The following ABCA8 variants were observed in gnomAD, a reference collection of about 807,000 sequenced individuals.
ABCA8 encodes ATP binding cassette subfamily A member 8.
ABCA8 carries 177 observed loss-of-function variants against 192.3 expected under a neutral mutation model. The ratio of observed to expected loss-of-function variants is 0.92; its 90% CI spans 0.81 to 1.04. The LOEUF (loss-of-function observed/expected upper bound fraction) is 1.04, where lower values mean the gene tolerates loss of function less well. ABCA8 is among the 50% of genes least tolerant of loss of function. The probability of loss-of-function intolerance (pLI) is 0.00; values close to 1 mark genes in which losing one functional copy is unlikely to be tolerated. For missense variants in ABCA8, 1,915 were observed against 1,904.8 expected (o/e 1.01, Z -0.10); for synonymous variants, 642 against 690.2 (o/e 0.93, Z 1.09).
intron 13 of ABCA8, 127 bp from the exon 14 acceptor site, chr17:68,919,603 C>A: frequency 1.3e-6 from 1 of 798,052 alleles, no homozygotes. Flanking sequence ...GAAACTTCTA[C>A]TTTAGTTGCA....
At position 68,903,421 on chromosome 17, in the gene ABCA8, G is replaced by A. The variant is rs2066966177; in HGVS notation, c.2477C>T (p.Ser826Phe). 8.1e-6 allele frequency: 13 copies of A among 1,614,166 alleles called. No individual in the cohort carries two copies. Among genetic ancestry groups the A allele is most frequent in the Non-Finnish European group, 1.1e-5 (13 of 1,180,024 alleles). ...TGTCTTTCTCATCTTGTTAAGTGAA[G>A]AGAGGACTTGTTCCATCTCAACAAG... The part of the protein sequence containing the change: ...ERLVEMEQVL[S>F]SLNKMRKTIG... Residue 826 changes from serine to phenylalanine, a missense_variant, in exon 20 of 40, where the codon TCT becomes TTT. By Grantham distance (155) the Ser-to-Phe change is radical. Coordinates refer to ENST00000586539, the MANE Select transcript of ABCA8 (RefSeq NM_001288985.2).
rs1054911177 is a variant in ABCA8 at position 68,877,537 on chromosome 17, G to A, written c.4181C>T (p.Ala1394Val). The change falls in exon 33 of 40, where the codon GCT becomes GTT. Residue 1394 changes from alanine to valine, a missense_variant. Coordinates refer to ENST00000586539, the MANE Select transcript of ABCA8 (RefSeq NM_001288985.2). ...AAVKGLRKGD[A>V]EVAITRLVDA... ...TGTGTACCGTGTGATGGCAACCTCA[G>A]CATCCCCTTTCCTCAGCCCTTTCAC... is the stretch of plus-strand genomic sequence containing the variant. 2.5e-6 allele frequency: 4 copies of A among 1,613,684 alleles called. No individual in the cohort carries two copies. The highest frequency in any genetic ancestry group is 3.4e-6 in the Non-Finnish European group (4 of 1,179,778).
At chr17:68,925,899 C>T (rs191686084) in intron 10 of ABCA8, among the ~76,000 whole-genome samples, 257 of 152,222 alleles carry the variant, frequency 1.7e-3, no homozygotes, top group Non-Finnish European at 3.0e-3. Context: ...TAAGTTCAAG[C>T]TTAGTGAGCA....
chr17:68,951,176 T>G (rs1204260993), intron 1 of ABCA8, among the ~76,000 whole-genome samples: 1 of 152,226 alleles, frequency 6.6e-6, no homozygotes, highest in Non-Finnish European at 1.5e-5. Context: ...TGTTGTTATT[T>G]GGGTTTATTT....
In ABCA8 at chr17:68,944,318, ATATATATATATATATATATAT is replaced by A. The variant is rs2068322887; in HGVS notation, c.-5-2300_-5-2280del. Among the ~76,000 whole-genome samples, 517 of 55,060 alleles carry A rather than the reference ATATATATATATATATATATAT, an allele frequency of 9.4e-3. 55 individuals are homozygous for A. The South Asian group carries it at 0.2, about 21-fold the overall frequency. The allele number at this position is 55,060 out of a possible 152,430, so 36.1% of individuals were successfully genotyped here. On this transcript the variant is annotated intron_variant, in intron 2 of 39. Coordinates refer to ENST00000586539, the MANE Select transcript of ABCA8 (RefSeq NM_001288985.2). The stretch of plus-strand genomic sequence containing the variant: ...CACATGTAGCCCAGAACTTAAAGTT[ATATATATATATATATATATAT>A]ATATATATATATATATATATACACA...
In ABCA8 at chr17:68,894,714, C is replaced by T. The variant is rs2066702104; in HGVS notation, c.2898+166G>A. 7.0e-6 allele frequency: 5 copies of T among 718,286 alleles called. No homozygotes were observed. The African/African-American group carries it at 9.0e-5, about 13-fold the overall frequency. 44.5% of individuals were successfully genotyped at this position (718,286 alleles called of 1,614,324 possible). A position where few individuals can be genotyped will look rare whatever the true frequency, so the allele number is the denominator to read the frequency against. On this transcript the variant is annotated intron_variant, in intron 22 of 39. Coordinates refer to ENST00000586539, the MANE Select transcript of ABCA8 (RefSeq NM_001288985.2). ...TTTGCTAATAGTTTGTGCCAGTAGACAATGATGGATATATGAATTGTTTAT... is the reference window on the plus strand; with the variant it reads ...TTTGCTAATAGTTTGTGCCAGTAGATAATGATGGATATATGAATTGTTTAT...
At chr17:68,943,954 C>A (rs2068303736) in intron 2 of ABCA8, among the ~76,000 whole-genome samples, 1 of 151,952 alleles carries the variant, frequency 6.6e-6, no homozygotes, top group African/African-American at 2.4e-5. Context: ...CATATATACA[C>A]CATGGAATAC....
chr17:68,904,150 T>C (rs1482358603), intron 19 of ABCA8, among the ~76,000 whole-genome samples: 5 of 151,714 alleles, frequency 3.3e-5, no homozygotes, highest in Admixed American at 2.0e-4. Flanking sequence ...GGCGTGGTGG[T>C]GGGCACCTGT....
intron 2 of ABCA8, among the ~76,000 whole-genome samples, chr17:68,947,797 T>C (rs1023602735): frequency 6.6e-6 from 1 of 152,302 alleles, no homozygotes; most frequent in African/African-American, 2.4e-5. Context: ...TACATAGGTA[T>C]ACATGTAACC....
At chr17:68,870,705 T>A (rs1361886786) in intron 37 of ABCA8, among the ~76,000 whole-genome samples, 1 of 152,212 alleles carries the variant, frequency 6.6e-6, no homozygotes, top group African/African-American at 2.4e-5. Flanking sequence ...TAGTATTTCA[T>A]TACATGTACC....
At chr17:68,883,914 C>T (rs1403084662) in intron 28 of ABCA8, 32 bp from the exon 29 acceptor site, 2 of 1,320,640 alleles carry the variant, frequency 1.5e-6, no homozygotes, top group Non-Finnish European at 2.1e-6. Context: ...CAATTAGAAA[C>T]ATAAAAAGAT....
intron 10 of ABCA8, among the ~76,000 whole-genome samples, chr17:68,927,273 G>C: frequency 6.6e-6 from 1 of 151,952 alleles, no homozygotes; most frequent in South Asian, 2.1e-4. Flanking sequence ...GAAAAAAAAA[G>C]AAAGTGAAGC....
intron 26 of ABCA8, among the ~76,000 whole-genome samples, chr17:68,885,608 C>T (rs549617846): frequency 1.3e-5 from 2 of 151,672 alleles, no homozygotes; most frequent in South Asian, 2.1e-4. Context: ...AGTGCAGTAG[C>T]GTGATCATGG....
At position 68,882,737 on chromosome 17, in the gene ABCA8, C is replaced by A; in HGVS notation, c.3708-18G>T. 1 of 1,602,194 alleles carries A rather than the reference C, an allele frequency of 6.2e-7. No homozygotes were observed. The highest frequency in any genetic ancestry group is 2.2e-5 in the East Asian group (1 of 44,718). On this transcript the variant is annotated intron_variant, in intron 29 of 39. Transcript: ENST00000586539. ...GAGAAATTCTAGAGTCAAAACCATC[C>A]ATTAATATTGATTTCTGGCTTTCAT... is the stretch of plus-strand genomic sequence containing the variant.
intron 2 of ABCA8, among the ~76,000 whole-genome samples, chr17:68,943,443 A>G (rs1385757277): frequency 6.6e-6 from 1 of 152,186 alleles, no homozygotes; most frequent in Non-Finnish European, 1.5e-5. Context: ...TCTTTTCCAC[A>G]TTCTCATCTA....
chr17:68,914,036 A>G (rs1333755504), intron 17 of ABCA8, among the ~76,000 whole-genome samples: 1 of 152,146 alleles, frequency 6.6e-6, no homozygotes, highest in East Asian at 1.9e-4. Flanking sequence ...ATACCAACAG[A>G]ATAAAGGGCA....
chr17:68,936,557 C>T (rs1324593528), intron 5 of ABCA8, among the ~76,000 whole-genome samples: 4 of 152,032 alleles, frequency 2.6e-5, no homozygotes, highest in African/African-American at 9.7e-5. Flanking sequence ...ATACCAGTAT[C>T]ATGCTGTTTT....
At position 68,937,034 on chromosome 17, in the gene ABCA8, G is replaced by A. The variant is rs141488588; in HGVS notation, c.383C>T (p.Thr128Ile). The A allele has an allele frequency of 5.7e-4, 923 of 1,610,598 alleles. 3 individuals are homozygous for A. Among genetic ancestry groups the A allele is most frequent in the Non-Finnish European group, 7.3e-4 (857 of 1,178,548 alleles). ...ATGATATGAGTATGTATTAGTAAAG[G>A]TGACTCTTACTATTTCTTCAGGATA... The part of the protein sequence containing the change: ...ANYPEEIVRV[T>I]FTNTYSYHLK... Residue 128 changes from threonine (T) to isoleucine (I), a missense_variant, in exon 5 of 40, where the codon ACC becomes ATC. Coordinates refer to ENST00000586539, the MANE Select transcript of ABCA8 (RefSeq NM_001288985.2).
At chr17:68,921,084 G>A (rs980206484) in intron 13 of ABCA8, among the ~76,000 whole-genome samples, 8 of 152,036 alleles carry the variant, frequency 5.3e-5, no homozygotes, top group African/African-American at 1.9e-4. Context: ...ATCATTTTCA[G>A]CAAACTATTG....
Sources: allele counts gnomAD v4.1 joint callset (sites outside exome capture counted in the v4.1 genomes callset), GRCh38; gene constraint gnomAD v4.1.1; transcripts MANE v1.5; gene names NCBI Gene and HGNC (gene_info 2026-07-23, HGNC 2026-07-21).